Variants in NFIL3 observed in about 807,000 individuals in gnomAD.
NFIL3 encodes the protein nuclear factor, interleukin 3 regulated.
A neutral mutation model predicts 10.0 loss-of-function variants in NFIL3; 5 were observed. The ratio of observed to expected loss-of-function variants is 0.50; its 90% confidence interval spans 0.26 to 1.06. NFIL3 has a LOEUF of 1.06. NFIL3 is among the 50% of genes least tolerant of loss of function. NFIL3 has a pLI of 0.13. For missense variants in NFIL3, 436 were observed against 547.6 expected (o/e 0.80, Z 2.03); for synonymous variants, 202 against 206.5 (o/e 0.98, Z 0.19).
At chr9:91,432,403 G>A in the NFIL3 span, among the ~76,000 whole-genome samples, 3 of 152,088 alleles carry the variant, frequency 2.0e-5, no homozygotes, top group East Asian at 1.9e-4. Flanking sequence ...CCCAAGAAAG[G>A]CTTAGCACAG....
chr9:91,471,362 T>C, the NFIL3 span, among the ~76,000 whole-genome samples: 3 of 152,180 alleles, frequency 2.0e-5, no homozygotes, highest in Non-Finnish European at 4.4e-5. Flanking sequence ...GTTTTCCATT[T>C]GTTTGGTGTA....
At chr9:91,458,234 A>G in the NFIL3 span, among the ~76,000 whole-genome samples, 3 of 152,080 alleles carry the variant, frequency 2.0e-5, no homozygotes, top group Non-Finnish European at 2.9e-5. Flanking sequence ...TTTCTTAAAT[A>G]TTTGGTAGAA....
At chr9:91,425,239 G>A (rs1448042833), upstream of NFIL3, among the ~76,000 whole-genome samples, 4 of 152,222 alleles carry the variant, frequency 2.6e-5, no homozygotes, top group Non-Finnish European at 5.9e-5. Context: ...GAGAAGAGCA[G>A]AGTGAACACC....
the NFIL3 span, among the ~76,000 whole-genome samples, chr9:91,467,961 A>G: frequency 3.3e-5 from 5 of 152,064 alleles, no homozygotes; most frequent in African/African-American, 1.2e-4. Context: ...GTTGGTTCCA[A>G]GTCTTTGCTA....
the NFIL3 span, among the ~76,000 whole-genome samples, chr9:91,475,982 C>T: frequency 2.6e-5 from 4 of 152,182 alleles, no homozygotes; most frequent in African/African-American, 9.7e-5. Context: ...TGACACCAGA[C>T]CTATGCCTGG....
chr9:91,425,057 C>T (rs916127752), upstream of NFIL3, among the ~76,000 whole-genome samples: 8 of 152,140 alleles, frequency 5.3e-5, no homozygotes, highest in Admixed American at 2.0e-4. Context: ...GCCATGTTCC[C>T]GACAGTGACT....
At chr9:91,411,762 G>A (rs1833553614) in intron 1 of NFIL3, among the ~76,000 whole-genome samples, 1 of 152,044 alleles carries the variant, frequency 6.6e-6, no homozygotes, top group South Asian at 2.1e-4. Flanking sequence ...TGAAAATTCT[G>A]TCAAAATAGA....
the NFIL3 span, among the ~76,000 whole-genome samples, chr9:91,443,539 C>T: frequency 8.8e-4 from 134 of 152,358 alleles, 3 homozygotes; most frequent in South Asian, 0.025. Context: ...GAGGCCAAGG[C>T]GGCAGGGGGC....
chr9:91,449,750 T>A, the NFIL3 span, among the ~76,000 whole-genome samples: 5 of 152,138 alleles, frequency 3.3e-5, no homozygotes, highest in Admixed American at 6.5e-5. Flanking sequence ...CCTCTCCTCT[T>A]CTATTTTTTA....
chr9:91,447,005 G>C, the NFIL3 span, among the ~76,000 whole-genome samples: 11 of 151,954 alleles, frequency 7.2e-5, no homozygotes, highest in Non-Finnish European at 4.4e-5. Context: ...TAGTAGAGGC[G>C]GGGTTTCACC....
At chr9:91,465,184 T>C in the NFIL3 span, among the ~76,000 whole-genome samples, 2 of 152,150 alleles carry the variant, frequency 1.3e-5, no homozygotes, top group Non-Finnish European at 2.9e-5. Flanking sequence ...TATTTCTTCT[T>C]CTCTGTACCT....
the NFIL3 span, among the ~76,000 whole-genome samples, chr9:91,476,883 A>T: frequency 1.3e-5 from 2 of 152,222 alleles, no homozygotes; most frequent in African/African-American, 4.8e-5. Flanking sequence ...CTGCTGCCGA[A>T]GTTTGCCTTT....
the NFIL3 span, among the ~76,000 whole-genome samples, chr9:91,443,931 T>C: frequency 6.6e-6 from 1 of 152,246 alleles, no homozygotes; most frequent in Non-Finnish European, 1.5e-5. Context: ...TGGTTCTGTT[T>C]GGATAACTTT....
the NFIL3 span, among the ~76,000 whole-genome samples, chr9:91,463,369 A>G: frequency 6.6e-6 from 1 of 151,516 alleles, no homozygotes; most frequent in African/African-American, 2.4e-5. Flanking sequence ...GCATTCCACA[A>G]CTGTTGATAG....
upstream of NFIL3, among the ~76,000 whole-genome samples, chr9:91,424,024 G>C (rs1233809197): frequency 6.8e-6 from 1 of 147,126 alleles, no homozygotes; most frequent in Non-Finnish European, 1.5e-5. Flanking sequence ...CCTCCGCGGC[G>C]GCGCCACTAC....
chr9:91,462,755 A>G, the NFIL3 span, among the ~76,000 whole-genome samples: 4 of 129,126 alleles, frequency 3.1e-5, no homozygotes, highest in East Asian at 9.6e-4. Context: ...TCTGGAAGAG[A>G]TTGTATTATT....
upstream of NFIL3, among the ~76,000 whole-genome samples, chr9:91,427,391 T>A (rs369859633): frequency 2.6e-5 from 4 of 152,134 alleles, no homozygotes; most frequent in Non-Finnish European, 5.9e-5. Context: ...AGCTCTACCC[T>A]ATCTGTTTTG....
At chr9:91,465,712 G>T in the NFIL3 span, among the ~76,000 whole-genome samples, 5 of 152,036 alleles carry the variant, frequency 3.3e-5, no homozygotes, top group Admixed American at 3.3e-4. Flanking sequence ...TGGTTAATAG[G>T]AACTGAGGTA....
chr9:91,429,376 A>G, the NFIL3 span, among the ~76,000 whole-genome samples: 1 of 152,176 alleles, frequency 6.6e-6, no homozygotes, highest in Admixed American at 6.5e-5. Flanking sequence ...GTTGACTAAC[A>G]TGCCACCAGC....
Sources: gnomAD v4.1 joint callset for allele counts (sites outside exome capture counted in the v4.1 genomes callset) on GRCh38, gnomAD v4.1.1 for gene constraint, MANE v1.5 for transcripts, NCBI Gene and HGNC (gene_info 2026-07-23, HGNC 2026-07-21) for gene names.